RAB40C: variants seen among roughly 807,000 people sequenced by gnomAD.
The protein encoded by RAB40C is ras-related protein Rab-40C.
In RAB40C, 8 loss-of-function variants were observed where a neutral mutation model predicts 28.1. That is an observed-to-expected ratio of 0.28 (90% CI 0.17 to 0.51). RAB40C has a LOEUF of 0.51. Among genes scored for constraint, RAB40C ranks in the 20% least tolerant of loss-of-function variants. RAB40C has a pLI of 0.97. For synonymous variants in RAB40C, 201 were observed against 171.7 expected (o/e 1.17, Z -1.34); for missense variants, 288 against 405.9 (o/e 0.71, Z 2.50).
chr16:620,728 G>A (rs1267784572), intron 3 of RAB40C, among the ~76,000 whole-genome samples: 1 of 43,582 alleles, frequency 2.3e-5, no homozygotes, highest in East Asian at 5.9e-4. Flanking sequence ...CCAGCCCCCC[G>A]CCGACGGGCT....
chr16:625,124 A>G (rs1217638918), intron 3 of RAB40C: 2 of 1,339,686 alleles, frequency 1.5e-6, no homozygotes, highest in East Asian at 4.4e-5. Flanking sequence ...CCCGGCTGCC[A>G]GAACCCCGCA....
intron 1 of RAB40C, among the ~76,000 whole-genome samples, chr16:609,146 G>A (rs757996984): frequency 6.6e-6 from 1 of 152,182 alleles, no homozygotes; most frequent in African/African-American, 2.4e-5. Context: ...GGACTGATAG[G>A]TGAGAGAGGT....
At chr16:602,248 GT>G (rs71139793) in intron 1 of RAB40C, among the ~76,000 whole-genome samples, 132 of 139,150 alleles carry the variant, frequency 9.5e-4, no homozygotes, top group Non-Finnish European at 8.8e-4. Flanking sequence ...GGTCATCTCT[GT>G]TTTTTTTTTT....
chr16:616,902 G>A, intron 1 of RAB40C: 1 of 405,146 alleles, frequency 2.5e-6, no homozygotes, highest in South Asian at 3.1e-5. Flanking sequence ...CCCCATTCCA[G>A]GCAAGCCGTG....
chr16:628,683 C>T lies in RAB40C; in HGVS notation c.*1061C>T, dbSNP rs962201038. The T allele has an allele frequency of 3.3e-5, 5 of 152,764 alleles. No homozygotes were observed. 9.5% of individuals were successfully genotyped at this position (152,764 alleles called of 1,614,324 possible). On this transcript the variant is annotated 3_prime_UTR_variant, in exon 6 of 6. Transcript: ENST00000248139. ...AGCCCCAGGCACGCAGGGCCGGCCACCTCTCTCCTGAAGCCATTGGCCGCT... is the reference window on the plus strand; with the variant it reads ...AGCCCCAGGCACGCAGGGCCGGCCATCTCTCTCCTGAAGCCATTGGCCGCT...
intron 1 of RAB40C, among the ~76,000 whole-genome samples, chr16:601,938 C>T (rs938067018): frequency 2.0e-5 from 3 of 151,236 alleles, no homozygotes; most frequent in Non-Finnish European, 2.9e-5. Context: ...CCATCCTGGC[C>T]AGCATGGTGA....
chr16:625,180 G>A (rs765612758), intron 3 of RAB40C: 1 of 1,399,782 alleles, frequency 7.1e-7, no homozygotes, highest in Middle Eastern at 1.9e-4. Context: ...TCCAGGGGAG[G>A]GAGGGGAAGC....
rs1036943921 is a variant in RAB40C at position 629,237 on chromosome 16, C to A, written c.*1615C>A. 4.9e-5 allele frequency: 14 copies of A among 284,504 alleles called. No individual in the cohort carries two copies. Among genetic ancestry groups the A allele is most frequent in the South Asian group, 4.7e-4 (14 of 29,598 alleles). The allele number at this position is 284,504 out of a possible 1,614,324, so 17.6% of individuals were successfully genotyped here. ...CATTCCTGGTTCTCTCCGAACCGTT[C>A]TTTGTACAGTAAATGTAATTCAGCT... On this transcript the variant is annotated 3_prime_UTR_variant, in exon 6 of 6. Transcript: ENST00000248139.
chr16:617,233 C>G lies in RAB40C; in HGVS notation c.168C>G (p.Ile56Met). The G allele has an allele frequency of 6.2e-7, 1 of 1,614,110 alleles. No individual in the cohort carries two copies. Among genetic ancestry groups the G allele is most frequent in the Non-Finnish European group, 8.5e-7 (1 of 1,180,020 alleles). The change falls in exon 2 of 6, where the codon ATC becomes ATG. Residue 56 changes from isoleucine to methionine, a missense_variant. Ile to Met is a conservative substitution (Grantham distance 10, BLOSUM62 1). Around this residue, in one of 3 missense-constraint regions of RAB40C, gnomAD observed 78 missense variants for 88.2 expected, o/e 0.88. Coordinates refer to ENST00000248139, the MANE Select transcript of RAB40C (RefSeq NM_021168.5). ...GGATCGACTACAAGACCACCACCATCCTGCTGGACGGCCGGCGCGTGAAGC... is the reference window on the plus strand; with the variant it reads ...GGATCGACTACAAGACCACCACCATGCTGCTGGACGGCCGGCGCGTGAAGC... Reference protein sequence around the residue: ...SNGIDYKTTTILLDGRRVKLE... With the variant: ...SNGIDYKTTTMLLDGRRVKLE...
At chr16:606,718 G>A (rs1056819749) in intron 1 of RAB40C, among the ~76,000 whole-genome samples, 2 of 152,234 alleles carry the variant, frequency 1.3e-5, no homozygotes, top group African/African-American at 2.4e-5. Context: ...CGTTGTTCAC[G>A]GAGGGCCCTT....
intron 3 of RAB40C, among the ~76,000 whole-genome samples, chr16:621,468 C>G (rs753400072): frequency 2.1e-4 from 32 of 152,250 alleles, no homozygotes; most frequent in Non-Finnish European, 3.5e-4. Context: ...GCAGATGGCA[C>G]CAGCAAAGGC....
chr16:590,625 G>A (rs890816371), intron 1 of RAB40C, among the ~76,000 whole-genome samples, 192 bp downstream of exon 1: 2 of 152,232 alleles, frequency 1.3e-5, no homozygotes, highest in African/African-American at 2.4e-5. Context: ...ACGCCGGGGG[G>A]CAGGAGGACG....
intron 1 of RAB40C, among the ~76,000 whole-genome samples, chr16:595,802 T>C (rs1485541101): frequency 6.6e-6 from 1 of 152,044 alleles, no homozygotes; most frequent in African/African-American, 2.4e-5. Flanking sequence ...GGGGTTTCAC[T>C]GTGTTGGCCA....
At position 629,237 on chromosome 16, in the gene RAB40C, C is replaced by G. The variant is rs1036943921; in HGVS notation, c.*1615C>G. On this transcript the variant is annotated 3_prime_UTR_variant, in exon 6 of 6. Transcript: ENST00000248139. ...CATTCCTGGTTCTCTCCGAACCGTTCTTTGTACAGTAAATGTAATTCAGCT... is the reference window on the plus strand; with the variant it reads ...CATTCCTGGTTCTCTCCGAACCGTTGTTTGTACAGTAAATGTAATTCAGCT... The G allele has an allele frequency of 3.5e-6, 1 of 284,622 alleles. No individual in the cohort carries two copies. Among genetic ancestry groups the G allele is most frequent in the East Asian group, 8.3e-5 (1 of 12,080 alleles). The allele number at this position is 284,622 out of a possible 1,614,324, so 17.6% of individuals were successfully genotyped here.
intron 1 of RAB40C, among the ~76,000 whole-genome samples, chr16:603,794 T>A (rs973308845): frequency 7.4e-6 from 1 of 134,470 alleles, no homozygotes; most frequent in African/African-American, 2.6e-5. Flanking sequence ...CCCCCAGCAG[T>A]CGGCTTCCAT....
Position 627,746 on chromosome 16 carries a change from C to A in RAB40C, c.*124C>A. On this transcript the variant is annotated 3_prime_UTR_variant, in exon 6 of 6. Coordinates refer to ENST00000248139, the MANE Select transcript of RAB40C (RefSeq NM_021168.5). ...ACACAGCTGCCTCAGAAGCGCCGGG[C>A]TTTCCTCACACCTGAGCCGGGTGCG... 8.0e-7 allele frequency: 1 copy of A among 1,245,290 alleles called. No individual in the cohort carries two copies. Among genetic ancestry groups the A allele is most frequent in the Non-Finnish European group, 1.1e-6 (1 of 927,876 alleles). 77.1% of individuals were successfully genotyped at this position (1,245,290 alleles called of 1,614,324 possible). A position where few individuals can be genotyped will look rare whatever the true frequency, so the allele number is the denominator to read the frequency against.
intron 3 of RAB40C, among the ~76,000 whole-genome samples, chr16:622,377 G>A (rs907460022): frequency 2.0e-5 from 3 of 152,074 alleles, no homozygotes; most frequent in Non-Finnish European, 4.4e-5. Flanking sequence ...CCTTGACCCC[G>A]CCCGCGAGGC....
intron 1 of RAB40C, chr16:596,202 A>G (rs2036120815): frequency 6.9e-6 from 3 of 432,854 alleles, no homozygotes; most frequent in South Asian, 4.9e-5. Flanking sequence ...GATGAGCTAA[A>G]TTGAACAGTG....
chr16:628,544 TC>T lies in RAB40C; in HGVS notation c.*924del, dbSNP rs1481185495. The T allele has an allele frequency of 6.6e-6, 1 of 152,232 alleles. No individual in the cohort carries two copies. Among genetic ancestry groups the T allele is most frequent in the East Asian group, 1.9e-4 (1 of 5,184 alleles). 9.4% of individuals were successfully genotyped at this position (152,232 alleles called of 1,614,324 possible). On this transcript the variant is annotated 3_prime_UTR_variant, in exon 6 of 6. Transcript: ENST00000248139. Reference sequence around the variant, plus strand: ...GTGAGGTTGCACGGCATCAGAACCATCCTGACCTTCTTAGGGACGTGCCTGG... The same window carrying T: ...GTGAGGTTGCACGGCATCAGAACCATCTGACCTTCTTAGGGACGTGCCTGG...
Sources: allele counts gnomAD v4.1 joint callset (sites outside exome capture counted in the v4.1 genomes callset), GRCh38; gene constraint gnomAD v4.1.1; regional missense constraint gnomAD v4.1.1; transcripts MANE v1.5; gene names NCBI Gene and HGNC (gene_info 2026-07-23, HGNC 2026-07-21).